ZNRF3: variants seen among roughly 807,000 people sequenced by gnomAD.
ZNRF3 encodes the protein E3 ubiquitin-protein ligase ZNRF3.
Under a neutral mutation model 72.5 loss-of-function variants are expected in ZNRF3, and 23 were observed. The ratio of observed to expected loss-of-function variants is 0.32; its 90% CI spans 0.23 to 0.45. ZNRF3 has a LOEUF of 0.45. Ranked by LOEUF, ZNRF3 falls within the 20% of genes least tolerant of loss-of-function variation. The pLI is 1.00. For synonymous variants in ZNRF3, 610 were observed against 545.3 expected (o/e 1.12, Z -1.65); for missense variants, 1,169 against 1,272.1 (o/e 0.92, Z 1.23).
rs183135285 is a variant in ZNRF3 at position 29,003,709 on chromosome 22, G to A, written c.426+16508G>A. Among the ~76,000 whole-genome samples, 239 of 152,104 alleles carry A rather than the reference G, an allele frequency of 1.6e-3. 3 individuals are homozygous for A. In the South Asian group the frequency reaches 0.019, roughly 12 times the overall value. On this transcript the variant is annotated intron_variant, in intron 2 of 8. Coordinates refer to ENST00000544604, the MANE Select transcript of ZNRF3 (RefSeq NM_001206998.2). The stretch of plus-strand genomic sequence containing the variant: ...TAAAAAATTAGCCAGATGTGGTGGT[G>A]CATGCCTGTGGTCCCAGCTACTCGG...
chr22:28,957,900 C>T (rs1251857268), intron 1 of ZNRF3, among the ~76,000 whole-genome samples: 4 of 151,968 alleles, frequency 2.6e-5, no homozygotes, highest in African/African-American at 7.3e-5. Flanking sequence ...AAAAGCATAA[C>T]TCTTGCTGGG....
At chr22:28,908,890 TTTTG>T (rs532137558) in intron 1 of ZNRF3, among the ~76,000 whole-genome samples, 19 of 152,096 alleles carry the variant, frequency 1.2e-4, no homozygotes, top group Middle Eastern at 3.4e-3. Context: ...CCGTTGGGTG[TTTTG>T]TTTGTTTGTT....
intron 2 of ZNRF3, among the ~76,000 whole-genome samples, chr22:28,995,303 G>A (rs948936792): frequency 3.3e-5 from 5 of 152,074 alleles, no homozygotes; most frequent in African/African-American, 1.2e-4. Flanking sequence ...GTGTGGTGGC[G>A]GGCGCCTGTA....
chr22:28,941,687 G>A (rs944483697), intron 1 of ZNRF3, among the ~76,000 whole-genome samples: 10 of 152,272 alleles, frequency 6.6e-5, no homozygotes, highest in African/African-American at 1.2e-4. Flanking sequence ...AGGCTGAGGC[G>A]GGTGGGTCAC....
intron 2 of ZNRF3, among the ~76,000 whole-genome samples, chr22:28,994,176 C>CTTTTTTTTTTTTTTTTTTTCTTTTTT (rs2036005828): frequency 2.5e-5 from 1 of 39,790 alleles, no homozygotes; most frequent in African/African-American, 1.1e-4. Context: ...CAGTTCCTTT[C>CTTTTTTTTTTTTTTTTTTTCTTTTTT]TTTTTTTTTT....
chr22:28,970,545 G>A (rs777697242), intron 1 of ZNRF3, among the ~76,000 whole-genome samples: 8 of 152,278 alleles, frequency 5.3e-5, no homozygotes, highest in Middle Eastern at 3.4e-3. Context: ...ATTTGTCTAC[G>A]CAAACCTACT....
intron 1 of ZNRF3, among the ~76,000 whole-genome samples, chr22:28,959,110 T>C (rs1438474865): frequency 1.3e-5 from 2 of 152,240 alleles, no homozygotes; most frequent in African/African-American, 4.8e-5. Context: ...TCTGGTTTTG[T>C]TGCAAAGCTA....
At chr22:29,004,962 C>T (rs908170954) in intron 2 of ZNRF3, among the ~76,000 whole-genome samples, 1 of 152,222 alleles carries the variant, frequency 6.6e-6, no homozygotes, top group African/African-American at 2.4e-5. Context: ...ACCAGGGAGC[C>T]GCTCAGTTCC....
intron 3 of ZNRF3, among the ~76,000 whole-genome samples, 162 bp downstream of exon 3, chr22:29,042,731 A>G (rs1188855822): frequency 1.3e-5 from 2 of 151,920 alleles, no homozygotes; most frequent in Non-Finnish European, 2.9e-5. Context: ...AAGGAGGTAT[A>G]CTGGGCGAGG....
chr22:28,975,232 A>G (rs2035647743), intron 1 of ZNRF3, among the ~76,000 whole-genome samples: 1 of 151,934 alleles, frequency 6.6e-6, no homozygotes, highest in Middle Eastern at 3.2e-3. Flanking sequence ...GGCCAGGCGC[A>G]GTGGCTCACG....
Position 28,896,291 on chromosome 22 carries a change from C to T in ZNRF3, c.300+12225C>T, listed in dbSNP as rs945290045. ...CTGGGACTACAGGCGTGTGCCACCA[C>T]GCCTGGCTAATTTTTGTATTTTTAG... On this transcript the variant is annotated intron_variant, in intron 1 of 8. Transcript: ENST00000544604. 4.6e-5 allele frequency among the ~76,000 whole-genome samples: 7 copies of T among 152,114 alleles called. No individual in the cohort carries two copies. The South Asian group carries it at 6.2e-4, about 14-fold the overall frequency.
chr22:29,033,554 G>A (rs2036805814), intron 2 of ZNRF3, among the ~76,000 whole-genome samples: 2 of 152,126 alleles, frequency 1.3e-5, no homozygotes, highest in African/African-American at 2.4e-5. Context: ...GGGCAGGGGC[G>A]TGCAAGGTGG....
chr22:28,986,176 T>A (rs1039272012), intron 1 of ZNRF3, among the ~76,000 whole-genome samples: 3 of 152,220 alleles, frequency 2.0e-5, no homozygotes, highest in Non-Finnish European at 4.4e-5. Flanking sequence ...GTTCTGGAGA[T>A]TAGGACATAG....
At chr22:29,009,905 CT>C (rs57028204) in intron 2 of ZNRF3, among the ~76,000 whole-genome samples, 127 of 123,538 alleles carry the variant, frequency 1.0e-3, no homozygotes, top group African/African-American at 1.2e-3. Context: ...ACTTTTTCCT[CT>C]TTTTTTTTTT....
intron 1 of ZNRF3, among the ~76,000 whole-genome samples, chr22:28,895,973 C>T (rs543732928): frequency 3.9e-5 from 6 of 152,102 alleles, no homozygotes; most frequent in Middle Eastern, 3.4e-3. Context: ...TGGTCTGAGG[C>T]GGAGTCTTGC....
intron 1 of ZNRF3, among the ~76,000 whole-genome samples, chr22:28,963,042 C>G (rs184969455): frequency 1.3e-5 from 2 of 152,338 alleles, no homozygotes; most frequent in East Asian, 3.9e-4. Context: ...TTAGAGTGTG[C>G]TACCAAAGGC....
At chr22:28,920,011 G>A (rs1458238238) in intron 1 of ZNRF3, among the ~76,000 whole-genome samples, 2 of 152,054 alleles carry the variant, frequency 1.3e-5, no homozygotes, top group East Asian at 3.9e-4. Flanking sequence ...TGTTGCCCAG[G>A]CTGGAGTGCA....
In ZNRF3 at chr22:29,049,788, G is replaced by T; in HGVS notation, c.1607G>T (p.Arg536Leu). The T allele has an allele frequency of 6.2e-7, 1 of 1,604,010 alleles. No homozygotes were observed. The highest frequency in any genetic ancestry group is 2.2e-5 in the East Asian group (1 of 44,704). Reference protein sequence around the residue: ...TSSFSCYHGHRSVCSGYLADC... With the variant: ...TSSFSCYHGHLSVCSGYLADC... ...AGCTTCAGCTGCTATCACGGCCACCGCTCGGTGTGCAGTGGCTACCTGGCC... is the reference window on the plus strand; with the variant it reads ...AGCTTCAGCTGCTATCACGGCCACCTCTCGGTGTGCAGTGGCTACCTGGCC... Residue 536 changes from arginine to leucine, a missense_variant, in exon 8 of 9, where the codon CGC (arginine) becomes CTC (leucine). Arg to Leu is a moderately radical substitution (Grantham distance 102). Around this residue, in one of 2 missense-constraint regions of ZNRF3, gnomAD observed 783 missense variants for 731.4 expected, o/e 1.07. Coordinates refer to ENST00000544604, the MANE Select transcript of ZNRF3 (RefSeq NM_001206998.2). The surrounding 1 kb of genome is among the most constrained non-coding windows in gnomAD (Gnocchi z 5.2).
Position 29,046,742 on chromosome 22 carries a change from G to A in ZNRF3, c.771G>A (p.Gln257=). ...ATTCCATGAACAGGCTGGCTGTGCA[G>A]GCTCTAGAGAAGATGGAAACCAGAA... ...SQNSMNRLAV[Q]ALEKMETRKF... The change falls in exon 6 of 9, where the codon CAG becomes CAA. Residue 257 remains glutamine, a synonymous_variant. Coordinates refer to ENST00000544604, the MANE Select transcript of ZNRF3 (RefSeq NM_001206998.2). The A allele has an allele frequency of 6.2e-7, 1 of 1,609,684 alleles. No individual in the cohort carries two copies. The highest frequency in any genetic ancestry group is 8.5e-7 in the Non-Finnish European group (1 of 1,177,852).
Sources: gnomAD v4.1 joint callset for allele counts (sites outside exome capture counted in the v4.1 genomes callset) on GRCh38, gnomAD v4.1.1 for gene constraint, gnomAD v4.1.1 regional missense constraint, Gnocchi (gnomAD v3.1) non-coding constraint, MANE v1.5 for transcripts, NCBI Gene and HGNC (gene_info 2026-07-23, HGNC 2026-07-21) for gene names.